LYPLAL1: variants seen among roughly 807,000 people sequenced by gnomAD.
The protein encoded by LYPLAL1 is lysophospholipase-like protein 1.
Under a neutral mutation model 19.7 loss-of-function variants are expected in LYPLAL1, and 23 were observed. The ratio of observed to expected loss-of-function variants is 1.17; its 90% CI spans 0.84 to 1.65. The LOEUF (loss-of-function observed/expected upper bound fraction) is 1.65. Ranked by LOEUF, LYPLAL1 falls within the 40% of genes most tolerant of loss-of-function variation. The pLI, the probability that LYPLAL1 is intolerant of heterozygous loss-of-function variation, is 0.00. For synonymous variants in LYPLAL1, 119 were observed against 96.3 expected, an observed-to-expected ratio of 1.24 and a Z score of -1.38; for missense variants, 355 against 279.4, an observed-to-expected ratio of 1.27 and a Z score of -1.93.
At chr1:219,208,185 T>G (rs1160967641) in intron 3 of LYPLAL1, among the ~76,000 whole-genome samples, 1 of 152,092 alleles carries the variant, frequency 6.6e-6, no homozygotes, top group Admixed American at 6.6e-5. Context: ...AGAATTGTGT[T>G]CTGAGAGATA....
At chr1:219,254,261 G>A in the LYPLAL1 span, among the ~76,000 whole-genome samples, 4 of 151,958 alleles carry the variant, frequency 2.6e-5, no homozygotes, top group African/African-American at 7.2e-5. Context: ...TTTATTTGGG[G>A]CATTTATTCC....
At chr1:219,239,914 C>T in the LYPLAL1 span, among the ~76,000 whole-genome samples, 13 of 152,130 alleles carry the variant, frequency 8.5e-5, no homozygotes, top group Middle Eastern at 3.4e-3. Context: ...ACGGATTTGC[C>T]GAAGATTCAG....
chr1:219,400,605 T>C, the LYPLAL1 span, among the ~76,000 whole-genome samples: 4 of 152,020 alleles, frequency 2.6e-5, no homozygotes, highest in South Asian at 4.2e-4. Context: ...AAATGATTCT[T>C]GTATCTAGCC....
chr1:219,398,127 T>C, the LYPLAL1 span, among the ~76,000 whole-genome samples: 4 of 152,236 alleles, frequency 2.6e-5, no homozygotes, highest in South Asian at 2.1e-4. Context: ...TTGTCATGGA[T>C]GATATCCTGA....
chr1:219,399,341 T>G, the LYPLAL1 span, among the ~76,000 whole-genome samples: 6 of 152,166 alleles, frequency 3.9e-5, no homozygotes, highest in Admixed American at 3.9e-4. Context: ...TTCACTCCCA[T>G]GGCAGTGTTG....
At chr1:219,274,334 A>G in the LYPLAL1 span, among the ~76,000 whole-genome samples, 16 of 152,276 alleles carry the variant, frequency 1.1e-4, no homozygotes, top group African/African-American at 3.8e-4. Context: ...GATAAAATAG[A>G]AGACTTCCCT....
the LYPLAL1 span, among the ~76,000 whole-genome samples, chr1:219,404,347 A>G: frequency 0.24 from 37,069 of 152,080 alleles, 5,419 homozygotes; most frequent in East Asian, 0.53. Flanking sequence ...AATCCAAAAG[A>G]GTAATCCTTT....
At chr1:219,366,184 C>T in the LYPLAL1 span, among the ~76,000 whole-genome samples, 50 of 152,172 alleles carry the variant, frequency 3.3e-4, no homozygotes, top group African/African-American at 1.2e-3. Context: ...AACTCACTAA[C>T]CTGCCCCAAG....
chr1:219,366,534 C>T, the LYPLAL1 span, among the ~76,000 whole-genome samples: 3 of 152,144 alleles, frequency 2.0e-5, no homozygotes, highest in African/African-American at 7.2e-5. Context: ...GGGATCCAGG[C>T]TAAAGAGATG....
the LYPLAL1 span, among the ~76,000 whole-genome samples, chr1:219,388,308 G>A: frequency 6.6e-6 from 1 of 151,948 alleles, no homozygotes; most frequent in African/African-American, 2.4e-5. Flanking sequence ...GATCCCAATG[G>A]CAGGATCTCT....
At chr1:219,186,176 T>A (rs1369473506) in intron 2 of LYPLAL1, among the ~76,000 whole-genome samples, 2 of 151,858 alleles carry the variant, frequency 1.3e-5, no homozygotes, top group Admixed American at 1.3e-4. Flanking sequence ...ACTGTTGATA[T>A]CTAGTTTCAT....
intron 3 of LYPLAL1, among the ~76,000 whole-genome samples, chr1:219,197,844 C>G (rs1657732140): frequency 6.6e-6 from 1 of 151,940 alleles, no homozygotes. Flanking sequence ...AAAGCAGAAA[C>G]AAATCTTAAA....
chr1:219,316,718 A>G, the LYPLAL1 span, among the ~76,000 whole-genome samples: 1 of 152,218 alleles, frequency 6.6e-6, no homozygotes, highest in East Asian at 1.9e-4. Context: ...AGCCTTAAAA[A>G]GAAACAAAAT....
the LYPLAL1 span, among the ~76,000 whole-genome samples, chr1:219,321,029 A>G: frequency 6.6e-6 from 1 of 152,190 alleles, no homozygotes; most frequent in Non-Finnish European, 1.5e-5. Flanking sequence ...GTCTTCCACA[A>G]TGGTTGAACT....
the LYPLAL1 span, among the ~76,000 whole-genome samples, chr1:219,274,969 G>A: frequency 1.3e-5 from 2 of 152,022 alleles, no homozygotes; most frequent in Admixed American, 1.3e-4. Context: ...CAATCAATAC[G>A]AGTTATTTTT....
the LYPLAL1 span, among the ~76,000 whole-genome samples, chr1:219,375,405 G>A: frequency 1.3e-5 from 2 of 150,080 alleles, no homozygotes; most frequent in Non-Finnish European, 3.0e-5. Context: ...GGCGGAGGTT[G>A]CAGTGAGCCA....
At chr1:219,426,515 C>T in the LYPLAL1 span, among the ~76,000 whole-genome samples, 1 of 152,024 alleles carries the variant, frequency 6.6e-6, no homozygotes, top group Non-Finnish European at 1.5e-5. Flanking sequence ...CAGTAAGGGC[C>T]AACATTTATT....
the LYPLAL1 span, among the ~76,000 whole-genome samples, chr1:219,244,549 G>A: frequency 6.6e-6 from 1 of 152,156 alleles, no homozygotes; most frequent in African/African-American, 2.4e-5. Flanking sequence ...TCTCCAGCTG[G>A]TGCACACTTG....
Position 219,211,491 on chromosome 1 carries a change from G to A in LYPLAL1, c.478-1G>A. 6.4e-7 allele frequency: 1 copy of A among 1,554,666 alleles called. No individual in the cohort carries two copies. Among genetic ancestry groups the A allele is most frequent in the South Asian group, 1.2e-5 (1 of 86,836 alleles). The stretch of plus-strand genomic sequence containing the variant: ...TTCTGTCTTTGTATCTTCTTCTCTA[G>A]GCTCTTCAGAAGAGTAATGGTGTAC... On this transcript the variant is annotated splice_acceptor_variant, in intron 4 of 4. Transcript: ENST00000366928. LOFTEE classifies it high-confidence loss of function.
Sources: allele counts gnomAD v4.1 joint callset (sites outside exome capture counted in the v4.1 genomes callset), GRCh38; gene constraint gnomAD v4.1.1; transcripts MANE v1.5; gene names NCBI Gene and HGNC (gene_info 2026-07-23, HGNC 2026-07-21).